MAP2: variants seen among roughly 807,000 people sequenced by gnomAD.
MAP2 encodes microtubule-associated protein 2.
Under a neutral mutation model 137.6 loss-of-function variants are expected in MAP2, and 14 were observed. The ratio of observed to expected loss-of-function variants is 0.10; its 90% CI spans 0.07 to 0.16. The LOEUF is 0.16. Among genes scored for constraint, MAP2 ranks in the 10% least tolerant of loss-of-function variants. MAP2 has a pLI of 1.00. For missense variants in MAP2, 2,088 were observed against 2,191.5 expected, an observed-to-expected ratio of 0.95 and a Z score of 0.94; for synonymous variants, 786 against 782.3, an observed-to-expected ratio of 1.00 and a Z score of -0.08.
chr2:209,674,269 A>G (rs1434570976), intron 5 of MAP2, among the ~76,000 whole-genome samples: 1 of 151,828 alleles, frequency 6.6e-6, no homozygotes, highest in Non-Finnish European at 1.5e-5. Context: ...AAAGTAGAAG[A>G]CTCAGAAAAA....
intron 1 of MAP2, among the ~76,000 whole-genome samples, chr2:209,451,486 G>A (rs35273017): frequency 0.23 from 34,899 of 152,114 alleles, 9,242 homozygotes; most frequent in African/African-American, 0.65. Context: ...GGCAGTAGCT[G>A]TGGTGGGGTC....
chr2:209,482,628 A>G (rs1264631698), intron 1 of MAP2, among the ~76,000 whole-genome samples: 3 of 152,174 alleles, frequency 2.0e-5, no homozygotes, highest in African/African-American at 7.2e-5. Context: ...TTTAACACAC[A>G]TTATCTGATT....
rs367696470 is a variant in MAP2 at position 209,661,205 on chromosome 2, T to A, written c.262+7773T>A. 2.1e-4 allele frequency among the ~76,000 whole-genome samples: 32 copies of A among 152,304 alleles called. No individual in the cohort carries two copies. The East Asian group carries it at 6.0e-3, about 28-fold the overall frequency. On this transcript the variant is annotated intron_variant, in intron 5 of 15. Coordinates refer to ENST00000682079, the MANE Select transcript of MAP2 (RefSeq NM_001375505.1). Reference sequence around the variant, plus strand: ...TTTTCTCACCTCGCCCTTTCTCCCCTGCCTCCGTTTCTAGATTTGCGATTT... The same window carrying A: ...TTTTCTCACCTCGCCCTTTCTCCCCAGCCTCCGTTTCTAGATTTGCGATTT...
chr2:209,583,115 C>A (rs959439459), intron 3 of MAP2, among the ~76,000 whole-genome samples: 2 of 145,540 alleles, frequency 1.4e-5, no homozygotes, highest in Admixed American at 6.9e-5. Context: ...ATCAAAATAT[C>A]TCTATCTATC....
intron 1 of MAP2, among the ~76,000 whole-genome samples, chr2:209,446,464 C>T (rs1233666833): frequency 6.6e-6 from 1 of 151,738 alleles, no homozygotes; most frequent in East Asian, 1.9e-4. Flanking sequence ...AGAATCACTG[C>T]ATTAAATTAC....
intron 3 of MAP2, among the ~76,000 whole-genome samples, chr2:209,618,550 C>CTGG (rs2090224760): frequency 6.6e-6 from 1 of 152,116 alleles, no homozygotes; most frequent in Admixed American, 6.5e-5. Flanking sequence ...CCACATGAAC[C>CTGG]TGGGTACCTG....
rs547871623 is a variant in MAP2, at chr2:209,482,852, A to T, written c.-221-24740A>T. On this transcript the variant is annotated intron_variant, in intron 1 of 15. Transcript: ENST00000682079. ...ATAAATCTGAATACTAATATACTAC[A>T]TGATAGTGGTCTGTTTAAATGAACT... Among the ~76,000 whole-genome samples the T allele has an allele frequency of 1.8e-4, 27 of 152,350 alleles. No homozygotes were observed. In the South Asian group the frequency reaches 5.6e-3, roughly 32 times the overall value.
At chr2:209,603,742 C>T (rs1020240394) in intron 3 of MAP2, among the ~76,000 whole-genome samples, 1 of 152,010 alleles carries the variant, frequency 6.6e-6, no homozygotes, top group Non-Finnish European at 1.5e-5. Context: ...TTTTGGAATA[C>T]AATGCTATAA....
At chr2:209,595,403 A>G in intron 3 of MAP2, among the ~76,000 whole-genome samples, 1 of 152,222 alleles carries the variant, frequency 6.6e-6, no homozygotes. Context: ...ACCCAGTAAA[A>G]GGAGATACTA....
intron 5 of MAP2, among the ~76,000 whole-genome samples, chr2:209,664,962 CAAA>C (rs67286716): frequency 0.14 from 6,989 of 50,994 alleles, 100 homozygotes; most frequent in South Asian, 0.24. Context: ...AACTCCGTCT[CAAA>C]AAAAAAAAAA....
chr2:209,503,866 A>C (rs1243490254), intron 1 of MAP2, among the ~76,000 whole-genome samples: 1 of 152,146 alleles, frequency 6.6e-6, no homozygotes, highest in African/African-American at 2.4e-5. Context: ...CACATACCTA[A>C]AAGAGTATTA....
At chr2:209,686,799 A>T (rs536007440) in intron 7 of MAP2, among the ~76,000 whole-genome samples, 7 of 152,300 alleles carry the variant, frequency 4.6e-5, no homozygotes, top group South Asian at 2.1e-4. Context: ...ATGCAATAAG[A>T]GGTTTGAAAC....
At chr2:209,555,942 T>C (rs1410998569) in intron 2 of MAP2, among the ~76,000 whole-genome samples, 1 of 152,084 alleles carries the variant, frequency 6.6e-6, no homozygotes, top group Non-Finnish European at 1.5e-5. Flanking sequence ...TAACTATCCT[T>C]TTAATGGTAT....
At chr2:209,697,384 C>T (rs1031493165) in intron 10 of MAP2, among the ~76,000 whole-genome samples, 101 of 152,078 alleles carry the variant, frequency 6.6e-4, no homozygotes, top group Admixed American at 5.8e-3. Flanking sequence ...TATGCATTCT[C>T]ATTATTTTGC....
intron 2 of MAP2, among the ~76,000 whole-genome samples, chr2:209,528,754 A>G (rs1489256238): frequency 6.8e-6 from 1 of 146,052 alleles, no homozygotes; most frequent in Non-Finnish European, 1.5e-5. Flanking sequence ...ATATGTACAT[A>G]TGTATGTATA....
rs148298923 is a variant in MAP2 at position 209,637,349 on chromosome 2, A to G, written c.-30+12220A>G. Among the ~76,000 whole-genome samples, 444 of 152,166 alleles carry G rather than the reference A, an allele frequency of 2.9e-3. 4 individuals are homozygous for G. Among genetic ancestry groups the G allele is most frequent in the South Asian group, 8.7e-3 (42 of 4,822 alleles). On this transcript the variant is annotated intron_variant, in intron 4 of 15. Transcript: ENST00000682079. ...TACCAGCTACTTGGGAGGCTGAGGA[A>G]CAAGAATCGTTTGAACCCAGGAGTC...
At position 209,568,946 on chromosome 2, in the gene MAP2, G is replaced by T. The variant is rs190687849; in HGVS notation, c.-171-11090G>T. On this transcript the variant is annotated intron_variant, in intron 2 of 15. Coordinates refer to ENST00000682079, the MANE Select transcript of MAP2 (RefSeq NM_001375505.1). Reference sequence around the variant, plus strand: ...GCAAATATTGTTTGCCTATAGGGTAGTTGTACCTACAGTGAATACGGTTTG... The same window carrying T: ...GCAAATATTGTTTGCCTATAGGGTATTTGTACCTACAGTGAATACGGTTTG... 4.0e-3 allele frequency among the ~76,000 whole-genome samples: 613 copies of T among 151,878 alleles called. 5 individuals are homozygous for T. The highest frequency in any genetic ancestry group is 0.014 in the African/African-American group (577 of 41,484).
At chr2:209,573,300 T>A in intron 2 of MAP2, among the ~76,000 whole-genome samples, 1 of 105,808 alleles carries the variant, frequency 9.5e-6, no homozygotes, top group East Asian at 2.0e-4. Flanking sequence ...CTTTTTCTGT[T>A]TTTTTTTTTT....
chr2:209,600,603 T>G (rs571556256), intron 3 of MAP2, among the ~76,000 whole-genome samples: 35 of 152,290 alleles, frequency 2.3e-4, no homozygotes, highest in African/African-American at 8.2e-4. Context: ...ATCACCTGTC[T>G]CAAAGAAAGG....
Sources: gnomAD v4.1 joint callset for allele counts (sites outside exome capture counted in the v4.1 genomes callset) on GRCh38, gnomAD v4.1.1 for gene constraint, MANE v1.5 for transcripts, NCBI Gene and HGNC (gene_info 2026-07-23, HGNC 2026-07-21) for gene names.